The following SNAP25 variants were observed in gnomAD, a reference collection of about 807,000 sequenced individuals.
The protein encoded by SNAP25 is synaptosome associated protein 25.
A neutral mutation model predicts 28.7 loss-of-function variants in SNAP25; 3 were observed. The ratio of observed to expected loss-of-function variants is 0.10; its 90% CI spans 0.05 to 0.27. SNAP25 has a LOEUF of 0.27. Among genes scored for constraint, SNAP25 ranks in the 10% least tolerant of loss-of-function variants. The pLI, the probability that SNAP25 is intolerant of heterozygous loss-of-function variation, is 1.00. For missense variants in SNAP25, 117 were observed against 278.7 expected, an observed-to-expected ratio of 0.42 and a Z score of 4.13; for synonymous variants, 61 against 88.1, an observed-to-expected ratio of 0.69 and a Z score of 1.72.
At chr20:10,289,974 C>T (rs550680320) in intron 4 of SNAP25, among the ~76,000 whole-genome samples, 1 of 151,866 alleles carries the variant, frequency 6.6e-6, no homozygotes, top group South Asian at 2.1e-4. Context: ...GTGTCACCTA[C>T]CTGAAGACCC....
At chr20:10,289,293 C>T (rs749710142) in intron 4 of SNAP25, among the ~76,000 whole-genome samples, 1 of 152,152 alleles carries the variant, frequency 6.6e-6, no homozygotes, top group Non-Finnish European at 1.5e-5. Flanking sequence ...CCAAATGACC[C>T]TGGCACTAAT....
rs777951505 is a variant in SNAP25, at chr20:10,278,632, G to A, written c.114+906G>A. On this transcript the variant is annotated intron_variant, in intron 3 of 7. Coordinates refer to ENST00000254976, the MANE Select transcript of SNAP25 (RefSeq NM_130811.4). ...GTATATAAATTCATGTGTGATTATC[G>A]TTTTTAGAGATCTTGGGCTTTCTCT... 6.6e-5 allele frequency among the ~76,000 whole-genome samples: 10 copies of A among 152,146 alleles called. No homozygotes were observed. In the East Asian group the frequency reaches 1.2e-3, roughly 18 times the overall value.
At chr20:10,264,810 A>AT (rs1375101275) in intron 1 of SNAP25, among the ~76,000 whole-genome samples, 1 of 151,956 alleles carries the variant, frequency 6.6e-6, no homozygotes, top group Admixed American at 6.6e-5. Flanking sequence ...GAAAATGCAG[A>AT]TGCTAGCCCG....
At chr20:10,254,369 AC>A (rs1262407241) in intron 1 of SNAP25, among the ~76,000 whole-genome samples, 1 of 151,700 alleles carries the variant, frequency 6.6e-6, no homozygotes, top group Non-Finnish European at 1.5e-5. Flanking sequence ...ATGCTGGCAC[AC>A]CCCCCTTGCT....
intron 7 of SNAP25, among the ~76,000 whole-genome samples, chr20:10,300,612 A>T (rs1433398514): frequency 6.6e-6 from 1 of 152,152 alleles, no homozygotes; most frequent in East Asian, 1.9e-4. Flanking sequence ...TATGCAAGCA[A>T]CCTCCAATGA....
At chr20:10,294,646 G>A (rs2064069301) in intron 5 of SNAP25, among the ~76,000 whole-genome samples, 1 of 152,128 alleles carries the variant, frequency 6.6e-6, no homozygotes, top group Non-Finnish European at 1.5e-5. Flanking sequence ...GATAACCAAG[G>A]AAAGATTCAA....
At chr20:10,301,912 TATATATAAAAACC>T (rs1042556511) in intron 7 of SNAP25, among the ~76,000 whole-genome samples, 1 of 147,490 alleles carries the variant, frequency 6.8e-6, no homozygotes, top group Non-Finnish European at 1.5e-5. Context: ...GGTTATTATA[TATATATAAAAACC>T]ATATATAAAA....
chr20:10,236,646 G>T (rs2062926951), intron 1 of SNAP25, among the ~76,000 whole-genome samples: 2 of 152,046 alleles, frequency 1.3e-5, no homozygotes, highest in South Asian at 4.2e-4. Flanking sequence ...AAGGGAGGAG[G>T]CAATGGAAAA....
chr20:10,244,452 G>A (rs1395070597), intron 1 of SNAP25, among the ~76,000 whole-genome samples: 1 of 152,172 alleles, frequency 6.6e-6, no homozygotes, highest in Non-Finnish European at 1.5e-5. Flanking sequence ...ATTCAAGGTA[G>A]GAACTATTAT....
Position 10,293,089 on chromosome 20 carries a change from GTT to G in SNAP25, c.164-69_164-68del. The G allele has an allele frequency of 3.4e-6, 5 of 1,450,886 alleles. No individual in the cohort carries two copies. The highest frequency in any genetic ancestry group is 2.2e-5 in the Admixed American group (1 of 45,958). The allele number at this position is 1,450,886 out of a possible 1,614,324, so 89.9% of individuals were successfully genotyped here. A position where few individuals can be genotyped will look rare whatever the true frequency, so the allele number is the denominator to read the frequency against. On this transcript the variant is annotated intron_variant, in intron 4 of 7. Transcript: ENST00000254976. This position sits in a 1 kb window ranked among gnomAD's most constrained non-coding sequence, Gnocchi z 5.6. Reference sequence around the variant, plus strand: ...TTTAATGTCAAAGTGAATGTCTGAAGTTTTGTCTTTTTTTCTTTGTCCTTTTC... The same window carrying G: ...TTTAATGTCAAAGTGAATGTCTGAAGTTGTCTTTTTTTCTTTGTCCTTTTC...
intron 1 of SNAP25, among the ~76,000 whole-genome samples, chr20:10,235,724 C>T (rs898338653): frequency 1.3e-5 from 2 of 152,200 alleles, no homozygotes; most frequent in African/African-American, 4.8e-5. Context: ...TTGGCTGGAG[C>T]CTGCTTGGTG....
intron 1 of SNAP25, among the ~76,000 whole-genome samples, chr20:10,260,927 C>T (rs920631876): frequency 6.6e-6 from 1 of 152,148 alleles, no homozygotes; most frequent in Non-Finnish European, 1.5e-5. Context: ...GAAATGTGAG[C>T]TCCTGATATA....
intron 7 of SNAP25, among the ~76,000 whole-genome samples, chr20:10,305,567 A>G (rs1191879601): frequency 6.6e-6 from 1 of 152,086 alleles, no homozygotes; most frequent in African/African-American, 2.4e-5. Context: ...AGAAATTCAC[A>G]CAAAAGTGGA....
At chr20:10,251,495 C>T (rs769215398) in intron 1 of SNAP25, among the ~76,000 whole-genome samples, 1 of 152,138 alleles carries the variant, frequency 6.6e-6, no homozygotes, top group African/African-American at 2.4e-5. Flanking sequence ...AAATAGCAGA[C>T]ATTGGAAGGA....
intron 7 of SNAP25, among the ~76,000 whole-genome samples, chr20:10,304,814 G>C (rs1396633997): frequency 6.6e-6 from 1 of 152,074 alleles, no homozygotes; most frequent in Non-Finnish European, 1.5e-5. Flanking sequence ...ACTTTTTACT[G>C]CACTATGCAA....
At chr20:10,303,151 G>A (rs1273619580) in intron 7 of SNAP25, among the ~76,000 whole-genome samples, 1 of 152,102 alleles carries the variant, frequency 6.6e-6, no homozygotes, top group East Asian at 1.9e-4. Flanking sequence ...ATTTCACATT[G>A]CTCTGATCCT....
chr20:10,260,061 C>T (rs1304374547), intron 1 of SNAP25, among the ~76,000 whole-genome samples: 2 of 152,190 alleles, frequency 1.3e-5, no homozygotes, highest in Non-Finnish European at 2.9e-5. Flanking sequence ...CTAACCCAGA[C>T]TTTGGACAGA....
intron 5 of SNAP25, among the ~76,000 whole-genome samples, chr20:10,295,322 A>C (rs1158825316): frequency 6.6e-6 from 1 of 152,246 alleles, no homozygotes; most frequent in African/African-American, 2.4e-5. Flanking sequence ...GGTATAGCAG[A>C]CATTTGACAT....
At chr20:10,286,872 G>A (rs960115373) in intron 4 of SNAP25, among the ~76,000 whole-genome samples, 3 of 152,096 alleles carry the variant, frequency 2.0e-5, no homozygotes, top group East Asian at 3.8e-4. Flanking sequence ...AGTAGCAATG[G>A]AAGTCTTAAG....
Sources: allele counts gnomAD v4.1 joint callset (sites outside exome capture counted in the v4.1 genomes callset), GRCh38; gene constraint gnomAD v4.1.1; non-coding constraint Gnocchi (gnomAD v3.1); transcripts MANE v1.5; gene names NCBI Gene and HGNC (gene_info 2026-07-23, HGNC 2026-07-21).